CADM2: variants seen among roughly 807,000 people sequenced by gnomAD.
The protein encoded by CADM2 is cell adhesion molecule 2, also known as immunoglobulin superfamily member 4D.
CADM2 carries 12 observed loss-of-function variants against 49.8 expected under a neutral mutation model. The observed-to-expected ratio is 0.24, with a 90% CI of 0.15 to 0.39. The LOEUF is 0.39. CADM2 is among the 10% of genes least tolerant of loss of function. The probability of loss-of-function intolerance (pLI) is 1.00; values close to 1 mark genes in which losing one functional copy is unlikely to be tolerated. For synonymous variants in CADM2, 214 were observed against 175.4 expected (o/e 1.22, Z -1.74); for missense variants, 378 against 492.3 (o/e 0.77, Z 2.20).
intron 1 of CADM2, among the ~76,000 whole-genome samples, chr3:84,993,134 G>A (rs2032983624): frequency 6.6e-6 from 1 of 152,108 alleles, no homozygotes; most frequent in Admixed American, 6.6e-5. Flanking sequence ...TACCCAGGCT[G>A]ATTTAATATT....
intron 5 of CADM2, among the ~76,000 whole-genome samples, chr3:85,898,937 G>GTGTGTGTATA (rs796467067): frequency 6.0e-4 from 28 of 46,698 alleles, no homozygotes; most frequent in African/African-American, 3.1e-3. Context: ...CATTTATTGT[G>GTGTGTGTATA]TATATATATA....
intron 1 of CADM2, among the ~76,000 whole-genome samples, chr3:85,530,310 C>T: frequency 7.4e-6 from 1 of 134,650 alleles, no homozygotes. Context: ...GTCAGTTAGA[C>T]TTCTTTTCTC....
chr3:85,401,531 C>A (rs1226437594), intron 1 of CADM2, among the ~76,000 whole-genome samples: 1 of 151,974 alleles, frequency 6.6e-6, no homozygotes, highest in African/African-American at 2.4e-5. Context: ...ACTGTGTCAC[C>A]CCTAGAGGAA....
At chr3:85,432,163 A>T (rs1254011126) in intron 1 of CADM2, among the ~76,000 whole-genome samples, 1 of 151,836 alleles carries the variant, frequency 6.6e-6, no homozygotes, top group African/African-American at 2.4e-5. Flanking sequence ...AAGGAGTGAG[A>T]GATCTAGAAG....
At chr3:86,035,713 T>C (rs1268698978) in intron 8 of CADM2, among the ~76,000 whole-genome samples, 1 of 152,060 alleles carries the variant, frequency 6.6e-6, no homozygotes, top group Non-Finnish European at 1.5e-5. Flanking sequence ...CCAAAATATT[T>C]TCTGATTTCT....
intron 8 of CADM2, among the ~76,000 whole-genome samples, chr3:86,038,007 C>G (rs1024062757): frequency 3.9e-5 from 6 of 152,058 alleles, no homozygotes; most frequent in African/African-American, 1.4e-4. Context: ...CCCTGACAAG[C>G]TGTGGTGTGT....
intron 3 of CADM2, among the ~76,000 whole-genome samples, chr3:85,809,786 CTCTCTCTT>C (rs1379150156): frequency 1.2e-5 from 1 of 82,230 alleles, no homozygotes; most frequent in Non-Finnish European, 2.4e-5. Flanking sequence ...CTCTCTCTCT[CTCTCTCTT>C]TCTTTCTTTC....
chr3:85,003,934 A>C (rs2033598683), intron 1 of CADM2, among the ~76,000 whole-genome samples: 1 of 152,116 alleles, frequency 6.6e-6, no homozygotes, highest in African/African-American at 2.4e-5. Context: ...TAAATTTGTA[A>C]ACTGTAATTA....
At chr3:85,887,530 G>GT (rs1713836788) in intron 5 of CADM2, among the ~76,000 whole-genome samples, 1 of 151,916 alleles carries the variant, frequency 6.6e-6, no homozygotes, top group Non-Finnish European at 1.5e-5. Flanking sequence ...TCAGTTTCCT[G>GT]TTTTAATTAC....
rs1451942903 is a variant in CADM2 at position 85,944,207 on chromosome 3, GACA to G, written c.791+8355_791+8357del. ...TACGTAATGGTAAAGGGATCAATTCGACAACAAGAGCGAACTATCCTAAATATA... is the reference window on the plus strand; with the variant it reads ...TACGTAATGGTAAAGGGATCAATTCGACAAGAGCGAACTATCCTAAATATA... On this transcript the variant is annotated intron_variant, in intron 7 of 9. Transcript: ENST00000383699. 4.6e-5 allele frequency among the ~76,000 whole-genome samples: 7 copies of G among 151,974 alleles called. No homozygotes were observed. In the South Asian group the frequency reaches 1.0e-3, roughly 23 times the overall value.
At chr3:85,769,531 ATATATACAC>A (rs2069928816) in intron 2 of CADM2, among the ~76,000 whole-genome samples, 1 of 120,684 alleles carries the variant, frequency 8.3e-6, no homozygotes, top group African/African-American at 3.5e-5. Context: ...ACATATATGT[ATATATACAC>A]GTATATACAT....
rs1403584340 is a variant in CADM2, at chr3:85,354,623, A to AGAGAGAGAGAGAG, written c.62-371898_62-371886dup. On this transcript the variant is annotated intron_variant, in intron 1 of 9. Coordinates refer to ENST00000383699, the MANE Select transcript of CADM2 (RefSeq NM_001167675.2). ...ATATTATAAAGAATACCTAACAGAG[A>AGAGAGAGAGAGAG]GAGAGAGAGAGAGAGAGAGAAGCCT... 4.2e-3 allele frequency among the ~76,000 whole-genome samples: 638 copies of AGAGAGAGAGAGAG among 150,346 alleles called. 10 individuals carry two copies. The highest frequency in any genetic ancestry group is 0.015 in the African/African-American group (612 of 41,132).
At position 85,438,981 on chromosome 3, in the gene CADM2, C is replaced by G. The variant is rs117147427; in HGVS notation, c.62-287541C>G. Among the ~76,000 whole-genome samples, 203 of 152,032 alleles carry G rather than the reference C, an allele frequency of 1.3e-3. 7 individuals carry two copies. In the East Asian group the frequency reaches 0.036, roughly 27 times the overall value. ...GGGATTACAGGTGTAAGCCACCATG[C>G]CTGGCCTCATCTTATTTCTTGATAA... On this transcript the variant is annotated intron_variant, in intron 1 of 9. Transcript: ENST00000383699.
intron 1 of CADM2, among the ~76,000 whole-genome samples, chr3:85,355,570 C>T (rs750058985): frequency 2.1e-4 from 32 of 152,066 alleles, no homozygotes; most frequent in Admixed American, 1.3e-4. Flanking sequence ...TGGGTTCTTA[C>T]TTTGTGCCAA....
chr3:85,361,890 C>T (rs1202692175), intron 1 of CADM2, among the ~76,000 whole-genome samples: 91 of 152,148 alleles, frequency 6.0e-4, no homozygotes, highest in Non-Finnish European at 1.5e-4. Flanking sequence ...ATGGCCATCT[C>T]GACCACATGA....
intron 1 of CADM2, among the ~76,000 whole-genome samples, chr3:85,193,328 A>G (rs981978535): frequency 6.6e-6 from 1 of 150,730 alleles, no homozygotes; most frequent in Non-Finnish European, 1.5e-5. Flanking sequence ...TAAGGAGTCT[A>G]TCTAAAAAAT....
At chr3:85,902,882 A>T (rs570399006) in intron 5 of CADM2, among the ~76,000 whole-genome samples, 141 of 151,828 alleles carry the variant, frequency 9.3e-4, no homozygotes, top group African/African-American at 3.2e-3. Context: ...AACATATTAC[A>T]TTTTAAGATG....
intron 1 of CADM2, among the ~76,000 whole-genome samples, chr3:84,997,482 A>T (rs1198240515): frequency 6.6e-6 from 1 of 151,848 alleles, no homozygotes; most frequent in East Asian, 1.9e-4. Flanking sequence ...ATATAAGTTT[A>T]TTTTTCTGAT....
chr3:85,571,408 T>C (rs901470050), intron 1 of CADM2, among the ~76,000 whole-genome samples: 3 of 103,596 alleles, frequency 2.9e-5, no homozygotes, highest in Non-Finnish European at 7.3e-5. Flanking sequence ...ATTGTCCAGA[T>C]GTTTTTTTTT....
Sources: gnomAD v4.1 joint callset for allele counts (sites outside exome capture counted in the v4.1 genomes callset) on GRCh38, gnomAD v4.1.1 for gene constraint, MANE v1.5 for transcripts, NCBI Gene and HGNC (gene_info 2026-07-23, HGNC 2026-07-21) for gene names.